Variants in SLC24A1 observed in about 807,000 individuals in gnomAD.
SLC24A1 encodes the protein sodium/potassium/calcium exchanger 1.
SLC24A1 carries 52 observed loss-of-function variants against 88.1 expected under a neutral mutation model. That is an observed-to-expected ratio of 0.59 (90% CI 0.47 to 0.74). The LOEUF is 0.74. Ranked by LOEUF, SLC24A1 falls within the 30% of genes least tolerant of loss-of-function variation. SLC24A1 has a pLI of 0.00. For missense variants in SLC24A1, 1,173 were observed against 1,363.3 expected, an observed-to-expected ratio of 0.86 and a Z score of 2.20; for synonymous variants, 455 against 498.0, an observed-to-expected ratio of 0.91 and a Z score of 1.15.
intron 4 of SLC24A1, among the ~76,000 whole-genome samples, chr15:65,642,613 G>A (rs1247591312): frequency 1.3e-5 from 2 of 152,216 alleles, no homozygotes; most frequent in African/African-American, 4.8e-5. Flanking sequence ...GGTTTGATTA[G>A]TGCCAAGGGG....
Position 65,651,999 on chromosome 15 carries a change from A to T in SLC24A1, c.2883+240A>T, listed in dbSNP as rs77073542. On this transcript the variant is annotated intron_variant, in intron 8 of 9. Coordinates refer to ENST00000261892, the MANE Select transcript of SLC24A1 (RefSeq NM_004727.3). ...AGGCCTTGGAATCCTGCCTGATTCC[A>T]GCTGAACTTGGCTTATTAGCCTTAT... 112 of 505,418 alleles carry T rather than the reference A, an allele frequency of 2.2e-4. 1 individual carries two copies. Among genetic ancestry groups the T allele is most frequent in the Non-Finnish European group, 6.3e-5 (17 of 270,756 alleles). 31.3% of individuals were successfully genotyped at this position (505,418 alleles called of 1,614,324 possible).
At chr15:65,660,864 T>C (rs1383130142), downstream of SLC24A1, 2 of 152,172 alleles carry the variant, frequency 1.3e-5, no homozygotes, top group African/African-American at 2.4e-5. Flanking sequence ...TTCAGATAAA[T>C]ATTCTATAGT....
chr15:65,650,379 C>T lies in SLC24A1; in HGVS notation c.2233-3C>T. The T allele has an allele frequency of 2.6e-6, 4 of 1,549,210 alleles. No individual in the cohort carries two copies. The highest frequency in any genetic ancestry group is 3.5e-6 in the Non-Finnish European group (4 of 1,145,146). ...ACATTAATCTGTTGGTTTTGGATTGCAGGAAGATGTGGCTGAGGCCGAGAG... is the reference window on the plus strand; with the variant it reads ...ACATTAATCTGTTGGTTTTGGATTGTAGGAAGATGTGGCTGAGGCCGAGAG... On this transcript the variant is annotated splice_region_variant and splice_polypyrimidine_tract_variant and intron_variant, in intron 6 of 9. Coordinates refer to ENST00000261892, the MANE Select transcript of SLC24A1 (RefSeq NM_004727.3). The surrounding 1 kb of genome is among the most constrained non-coding windows in gnomAD (Gnocchi z 4.1).
downstream of SLC24A1, among the ~76,000 whole-genome samples, chr15:65,657,021 C>G (rs1408379989): frequency 1.3e-5 from 2 of 152,092 alleles, no homozygotes; most frequent in Non-Finnish European, 1.5e-5. Flanking sequence ...AGAAGTGCAC[C>G]ACCACACCCA....
At chr15:65,646,977 A>G (rs2058232097) in intron 6 of SLC24A1, among the ~76,000 whole-genome samples, 2 of 152,210 alleles carry the variant, frequency 1.3e-5, no homozygotes, top group African/African-American at 4.8e-5. Flanking sequence ...AGCTGGGCCT[A>G]GGCCTGAGAA....
intron 2 of SLC24A1, among the ~76,000 whole-genome samples, chr15:65,614,503 A>G (rs1429428744): frequency 2.0e-5 from 3 of 152,224 alleles, no homozygotes; most frequent in Non-Finnish European, 2.9e-5. Context: ...TATATCTCAG[A>G]AGTCTCTTTT....
chr15:65,626,051 C>T, intron 2 of SLC24A1, 81 bp downstream of exon 2: 1 of 978,378 alleles, frequency 1.0e-6, no homozygotes, highest in Non-Finnish European at 1.7e-6. Flanking sequence ...AGAGAAGGTG[C>T]TGGATCAGAC....
chr15:65,659,246 T>A (rs563022059), downstream of SLC24A1: 1 of 151,824 alleles, frequency 6.6e-6, no homozygotes, highest in Non-Finnish European at 1.5e-5. Context: ...TTGGCCATTA[T>A]TCTCCAAAAT....
At position 65,624,022 on chromosome 15, in the gene SLC24A1, G is replaced by T. The variant is rs1292258080; in HGVS notation, c.-59G>T. On this transcript the variant is annotated 5_prime_UTR_variant, in exon 2 of 10. Transcript: ENST00000261892. Reference sequence around the variant, plus strand: ...TCTGATCACCAACCTGAATCCCAGAGTAGCCTCCATCTTAGGACAGAATGA... The same window carrying T: ...TCTGATCACCAACCTGAATCCCAGATTAGCCTCCATCTTAGGACAGAATGA... 1.4e-6 allele frequency: 2 copies of T among 1,443,106 alleles called. No homozygotes were observed. Among genetic ancestry groups the T allele is most frequent in the African/African-American group, 2.9e-5 (2 of 70,106 alleles). 89.4% of individuals were successfully genotyped at this position (1,443,106 alleles called of 1,614,324 possible). A position where few individuals can be genotyped will look rare whatever the true frequency, so the allele number is the denominator to read the frequency against.
chr15:65,618,967 TC>T (rs2074234176), upstream of SLC24A1: 1 of 152,212 alleles, frequency 6.6e-6, no homozygotes, highest in Non-Finnish European at 1.5e-5. Context: ...ACCACCTGCA[TC>T]CCCCTGTCTC....
upstream of SLC24A1, among the ~76,000 whole-genome samples, chr15:65,621,188 G>A (rs965377752): frequency 1.3e-5 from 2 of 152,210 alleles, no homozygotes; most frequent in Admixed American, 6.5e-5. Context: ...AGGGAGAAAG[G>A]GGCAGTCAGT....
intron 7 of SLC24A1, 78 bp downstream of exon 7, chr15:65,651,020 T>A: frequency 7.9e-7 from 1 of 1,267,160 alleles, no homozygotes; most frequent in Non-Finnish European, 1.2e-6. Flanking sequence ...GGGCTCACAC[T>A]CAAGAGGAGG....
In SLC24A1 at chr15:65,637,011, C is replaced by CAGT. The variant is rs1234817931; in HGVS notation, c.1891-1117_1891-1116insAGT. 4.0e-5 allele frequency among the ~76,000 whole-genome samples: 6 copies of CAGT among 151,594 alleles called. No individual in the cohort carries two copies. In the East Asian group the frequency reaches 9.7e-4, roughly 24 times the overall value. Reference sequence around the variant, plus strand: ...TGCCACAAGGAAGGGAAACAGATAACTGTAAGTTCATTGCGTGGCAAAAAA... The same window carrying CAGT: ...TGCCACAAGGAAGGGAAACAGATAACAGTTGTAAGTTCATTGCGTGGCAAAAAA... On this transcript the variant is annotated intron_variant, in intron 2 of 9. Coordinates refer to ENST00000261892, the MANE Select transcript of SLC24A1 (RefSeq NM_004727.3).
In SLC24A1 at chr15:65,625,645, A is replaced by G. The variant is rs1231025115; in HGVS notation, c.1565A>G (p.Asn522Ser). The change falls in exon 2 of 10, where the codon AAC (asparagine) becomes AGC (serine). Residue 522 changes from asparagine to serine, a missense_variant. Physicochemically the swap from Asn to Ser is conservative, Grantham distance 46. Transcript: ENST00000261892. ...SLIGVFISHS[N>S]VGIGTIVGSA... ...ATCGGTGTCTTCATTTCCCACAGCA[A>G]CGTGGGCATTGGTACCATTGTGGGC... 2 of 1,613,802 alleles carry G rather than the reference A, an allele frequency of 1.2e-6. No individual in the cohort carries two copies. The highest frequency in any genetic ancestry group is 1.7e-5 in the Admixed American group (1 of 60,004).
intron 2 of SLC24A1, among the ~76,000 whole-genome samples, chr15:65,630,863 C>T (rs142616252): frequency 2.6e-5 from 4 of 152,100 alleles, no homozygotes; most frequent in African/African-American, 4.8e-5. Context: ...TGCAGTTTCT[C>T]GGGAGGCTGA....
rs980513512 is a variant in SLC24A1 at position 65,625,935 on chromosome 15, G to A, written c.1855G>A (p.Val619Met). ...WVKEQLSRRP[V>M]AKVMALEDLS... Reference sequence around the variant, plus strand: ...GAAGGAGCAGCTCAGCAGGAGGCCAGTGGCCAAGGTCATGGCCTTAGAAGA... The same window carrying A: ...GAAGGAGCAGCTCAGCAGGAGGCCAATGGCCAAGGTCATGGCCTTAGAAGA... The change falls in exon 2 of 10, where the codon GTG (valine) becomes ATG (methionine). Residue 619 changes from valine (V) to methionine (M), a missense_variant. By Grantham distance (21) the Val-to-Met change is conservative (BLOSUM62 1). Coordinates refer to ENST00000261892, the MANE Select transcript of SLC24A1 (RefSeq NM_004727.3). 6.2e-7 allele frequency: 1 copy of A among 1,613,944 alleles called. No homozygotes were observed. Among genetic ancestry groups the A allele is most frequent in the African/African-American group, 1.3e-5 (1 of 75,064 alleles).
chr15:65,625,735 A>C lies in SLC24A1; in HGVS notation c.1655A>C (p.Asn552Thr). 6.2e-7 allele frequency: 1 copy of C among 1,613,866 alleles called. No homozygotes were observed. Among genetic ancestry groups the C allele is most frequent in the Admixed American group, 1.7e-5 (1 of 60,016 alleles). Residue 552 changes from asparagine to threonine, a missense_variant, in exon 2 of 10, where the codon AAC becomes ACC. Transcript: ENST00000261892. ...TCSLFSREILNLTWWPLFRDV... is the reference protein window; with the variant it reads ...TCSLFSREILTLTWWPLFRDV... ...TCCCTCTTCTCCCGAGAGATCCTCA[A>C]CCTCACCTGGTGGCCCTTATTCCGT...
chr15:65,650,909 A>G lies in SLC24A1; in HGVS notation c.2760A>G (p.Pro920=). ...IYLFLLPIVF[P]LWLTVPDVRR... ...TCTTCCTTCTGCCCATCGTGTTCCC[A>G]CTGTGGCTGACAGTCCCCGACGTCC... The change falls in exon 7 of 10, where the codon CCA becomes CCG. Residue 920 remains proline (P), a synonymous_variant. Coordinates refer to ENST00000261892, the MANE Select transcript of SLC24A1 (RefSeq NM_004727.3). The surrounding 1 kb of genome is among the most constrained non-coding windows in gnomAD (Gnocchi z 4.1). 1 of 1,613,970 alleles carries G rather than the reference A, an allele frequency of 6.2e-7. No individual in the cohort carries two copies. The highest frequency in any genetic ancestry group is 8.5e-7 in the Non-Finnish European group (1 of 1,179,886).
upstream of SLC24A1, among the ~76,000 whole-genome samples, chr15:65,620,685 T>G (rs1347950926): frequency 6.6e-6 from 1 of 152,250 alleles, no homozygotes; most frequent in African/African-American, 2.4e-5. Flanking sequence ...TATGAACATA[T>G]GAGAGAAAGG....
Sources: gnomAD v4.1 joint callset for allele counts (sites outside exome capture counted in the v4.1 genomes callset) on GRCh38, gnomAD v4.1.1 for gene constraint, Gnocchi (gnomAD v3.1) non-coding constraint, MANE v1.5 for transcripts, NCBI Gene and HGNC (gene_info 2026-07-23, HGNC 2026-07-21) for gene names.